Variants in IKZF2 observed in about 807,000 individuals in gnomAD.
IKZF2 encodes zinc finger protein Helios.
A neutral mutation model predicts 49.2 loss-of-function variants in IKZF2; 15 were observed. The ratio of observed to expected loss-of-function variants is 0.30; its 90% CI spans 0.20 to 0.47. IKZF2 has a LOEUF of 0.47. IKZF2 is among the 20% of genes least tolerant of loss of function. IKZF2 has a pLI of 1.00. For synonymous variants in IKZF2, 227 were observed against 221.4 expected (o/e 1.03, Z -0.23); for missense variants, 567 against 664.6 (o/e 0.85, Z 1.61).
At chr2:213,131,353 T>C (rs1034634166) in intron 4 of IKZF2, among the ~76,000 whole-genome samples, 14 of 152,166 alleles carry the variant, frequency 9.2e-5, no homozygotes, top group Non-Finnish European at 2.9e-5. Context: ...GAATTACATG[T>C]CATTTTCATG....
intron 6 of IKZF2, among the ~76,000 whole-genome samples, chr2:213,033,341 G>A (rs1452987480): frequency 6.6e-6 from 1 of 152,168 alleles, no homozygotes; most frequent in African/African-American, 2.4e-5. Context: ...GACCTTCTCA[G>A]ATGAATCACA....
intron 4 of IKZF2, among the ~76,000 whole-genome samples, chr2:213,116,569 T>C (rs773788679): frequency 2.6e-5 from 4 of 152,106 alleles, no homozygotes; most frequent in Non-Finnish European, 5.9e-5. Flanking sequence ...ATCTTGTCTG[T>C]ACAAAAAACA....
At chr2:213,078,860 A>G (rs1703575100) in intron 4 of IKZF2, among the ~76,000 whole-genome samples, 1 of 152,240 alleles carries the variant, frequency 6.6e-6, no homozygotes, top group Non-Finnish European at 1.5e-5. Context: ...TGTGTTCACA[A>G]CCAAACTGCT....
At chr2:213,082,468 CAT>C (rs2125578340) in intron 4 of IKZF2, among the ~76,000 whole-genome samples, 1 of 152,192 alleles carries the variant, frequency 6.6e-6, no homozygotes, top group South Asian at 2.1e-4. Context: ...ATGATAAAAA[CAT>C]AGATAAAAGG....
chr2:213,038,146 C>T (rs904618762), intron 6 of IKZF2, among the ~76,000 whole-genome samples: 2 of 151,940 alleles, frequency 1.3e-5, no homozygotes, highest in African/African-American at 2.4e-5. Context: ...CTACAAGCTC[C>T]GCCTCCCAGA....
At chr2:213,122,843 A>G (rs2060104261) in intron 4 of IKZF2, among the ~76,000 whole-genome samples, 1 of 152,204 alleles carries the variant, frequency 6.6e-6, no homozygotes. Context: ...GGAACACGTG[A>G]TATTTCTGCA....
intron 6 of IKZF2, among the ~76,000 whole-genome samples, chr2:213,040,189 T>C (rs1412963698): frequency 6.6e-6 from 1 of 151,914 alleles, no homozygotes; most frequent in Non-Finnish European, 1.5e-5. Context: ...AACTTTTATT[T>C]TAAGTTCAGA....
intron 4 of IKZF2, among the ~76,000 whole-genome samples, chr2:213,110,653 C>A (rs1313648451): frequency 3.3e-5 from 5 of 151,954 alleles, no homozygotes; most frequent in African/African-American, 1.2e-4. Flanking sequence ...CAACATTTGA[C>A]AAATTATTAT....
chr2:213,027,272 T>G (rs1195423467), intron 6 of IKZF2, among the ~76,000 whole-genome samples: 1 of 152,172 alleles, frequency 6.6e-6, no homozygotes, highest in African/African-American at 2.4e-5. Flanking sequence ...TTCTGATTAA[T>G]AGTATAGAAA....
intron 6 of IKZF2, among the ~76,000 whole-genome samples, chr2:213,027,892 T>C (rs557904674): frequency 6.6e-6 from 1 of 152,260 alleles, no homozygotes; most frequent in East Asian, 1.9e-4. Context: ...CTAATTTGGA[T>C]GTTTGTCCCT....
chr2:213,045,925 C>A (rs1462218201), intron 6 of IKZF2, among the ~76,000 whole-genome samples: 1 of 152,170 alleles, frequency 6.6e-6, no homozygotes, highest in East Asian at 1.9e-4. Flanking sequence ...TCATACCCTG[C>A]CATGATGAAA....
chr2:213,014,051 A>G (rs1342551212), intron 7 of IKZF2, 117 bp from the exon 8 acceptor site: 1 of 853,418 alleles, frequency 1.2e-6, no homozygotes, highest in African/African-American at 1.7e-5. Context: ...CAGTAGAAGC[A>G]AGTAGAAAGA....
chr2:213,011,151 G>A (rs933532098), intron 8 of IKZF2, among the ~76,000 whole-genome samples: 3 of 151,720 alleles, frequency 2.0e-5, no homozygotes, highest in Non-Finnish European at 4.4e-5. Flanking sequence ...TGGAGTGTGG[G>A]AAAGAAAAAC....
intron 4 of IKZF2, 48 bp from the exon 5 acceptor site, chr2:213,057,147 TCTCACC>T: frequency 2.0e-6 from 3 of 1,502,130 alleles, no homozygotes; most frequent in Non-Finnish European, 2.7e-6. Flanking sequence ...TGTTATGTAT[TCTCACC>T]TACATCTCTT....
chr2:213,031,522 A>T (rs1698437458), intron 6 of IKZF2, among the ~76,000 whole-genome samples: 2 of 152,228 alleles, frequency 1.3e-5, no homozygotes, highest in Admixed American at 1.3e-4. Flanking sequence ...AAACAAGAAA[A>T]TGTCTTATGT....
chr2:213,072,165 G>T (rs1315380380), intron 4 of IKZF2, among the ~76,000 whole-genome samples: 1 of 152,012 alleles, frequency 6.6e-6, no homozygotes, highest in Non-Finnish European at 1.5e-5. Context: ...CAGCATGACA[G>T]GGGTAAAATT....
At chr2:213,064,882 A>G (rs192834851) in intron 4 of IKZF2, among the ~76,000 whole-genome samples, 12 of 152,118 alleles carry the variant, frequency 7.9e-5, no homozygotes, top group Non-Finnish European at 1.5e-4. Flanking sequence ...ATCTATATTC[A>G]GTTGTTAGAT....
intron 8 of IKZF2, among the ~76,000 whole-genome samples, chr2:213,008,461 G>C (rs1175169458): frequency 6.6e-6 from 1 of 151,832 alleles, no homozygotes; most frequent in African/African-American, 2.4e-5. Context: ...AGAACTCCTG[G>C]CCTCAAGTGA....
intron 4 of IKZF2, among the ~76,000 whole-genome samples, chr2:213,110,939 G>C (rs888128054): frequency 5.9e-5 from 9 of 151,950 alleles, no homozygotes; most frequent in African/African-American, 2.2e-4. Flanking sequence ...TGTGAACTGT[G>C]TGTTAGAATA....
Sources: allele counts gnomAD v4.1 joint callset (sites outside exome capture counted in the v4.1 genomes callset), GRCh38; gene constraint gnomAD v4.1.1; transcripts MANE v1.5; gene names NCBI Gene and HGNC (gene_info 2026-07-23, HGNC 2026-07-21).